The following EP300 variants were observed in gnomAD, a reference collection of about 807,000 sequenced individuals.
EP300 encodes the protein histone acetyltransferase p300.
Under a neutral mutation model 264.0 loss-of-function variants are expected in EP300, and 31 were observed. The ratio of observed to expected loss-of-function variants is 0.12; its 90% CI spans 0.09 to 0.16. The LOEUF (loss-of-function observed/expected upper bound fraction) is 0.16, where lower values mean the gene tolerates loss of function less well. Ranked by LOEUF, EP300 falls within the 10% of genes least tolerant of loss-of-function variation. The probability of loss-of-function intolerance (pLI) is 1.00; values close to 1 mark genes in which losing one functional copy is unlikely to be tolerated. For missense variants in EP300, 2,766 were observed against 3,052.9 expected, an observed-to-expected ratio of 0.91 and a Z score of 2.21; for synonymous variants, 1,340 against 1,045.4, an observed-to-expected ratio of 1.28 and a Z score of -5.44.
At chr22:41,119,458 C>G (rs1469711249) in intron 2 of EP300, among the ~76,000 whole-genome samples, 1 of 151,936 alleles carries the variant, frequency 6.6e-6, no homozygotes, top group African/African-American at 2.4e-5. Context: ...TCCTTGCCAC[C>G]GATGTTTATA....
At chr22:41,136,051 C>G in intron 7 of EP300, 145 bp downstream of exon 7, 1 of 722,164 alleles carries the variant, frequency 1.4e-6, no homozygotes, top group Non-Finnish European at 2.5e-6. Context: ...TTTCTTTTTT[C>G]GCTCTGTAGC....
At chr22:41,165,370 C>T (rs1419677258) in intron 22 of EP300, among the ~76,000 whole-genome samples, 1 of 152,214 alleles carries the variant, frequency 6.6e-6, no homozygotes, top group African/African-American at 2.4e-5. Context: ...TCTCTTCCCA[C>T]CCAGATTCCT....
rs201882119 is a variant in EP300, at chr22:41,178,951, C to T, written c.7240C>T (p.His2414Tyr). Reference sequence around the variant, plus strand: ...CCTCTCACAGAGTACACTAGACATACACTAGAGACACCTTGTAGTATTTTG... The same window carrying T: ...CCTCTCACAGAGTACACTAGACATATACTAGAGACACCTTGTAGTATTTTG... Reference protein sequence around the residue: ...SNLSQSTLDIH With the variant: ...SNLSQSTLDIY Residue 2414 changes from histidine (H) to tyrosine (Y), a missense_variant, in exon 31 of 31, where the codon CAC (histidine) becomes TAC (tyrosine). Transcript: ENST00000263253. 6.2e-7 allele frequency: 1 copy of T among 1,610,164 alleles called. No individual in the cohort carries two copies. Among genetic ancestry groups the T allele is most frequent in the Non-Finnish European group, 8.5e-7 (1 of 1,178,726 alleles).
intron 6 of EP300, among the ~76,000 whole-genome samples, chr22:41,134,988 A>G (rs1601609601): frequency 6.6e-6 from 1 of 151,244 alleles, no homozygotes; most frequent in African/African-American, 2.4e-5. Context: ...GCTCACTGCA[A>G]CCTCCGCCTC....
At chr22:41,168,979 C>T in intron 25 of EP300, 112 bp downstream of exon 25, 2 of 1,454,822 alleles carry the variant, frequency 1.4e-6, no homozygotes, top group Non-Finnish European at 1.9e-6. Context: ...TTTGGAAATG[C>T]AAAATCTCAA....
At position 41,173,742 on chromosome 22, in the gene EP300, C is replaced by T. The variant is rs764512316; in HGVS notation, c.4737C>T (p.Asp1579=). The T allele has an allele frequency of 1.9e-6, 3 of 1,614,050 alleles. No individual in the cohort carries two copies. Among genetic ancestry groups the T allele is most frequent in the East Asian group, 2.2e-5 (1 of 44,900 alleles). Residue 1579 remains aspartate (D), a synonymous_variant, in exon 29 of 31, where the codon GAC becomes GAT. Transcript: ENST00000263253. ...CCGGGATGCCCAATGTATCTAACGA[C>T]CTCTCACAGAAACTATATGCCACCA... The part of the protein sequence containing the change: ...KKPGMPNVSN[D]LSQKLYATME...
chr22:41,167,580 G>GTATATATA (rs2059143120), intron 23 of EP300, among the ~76,000 whole-genome samples: 3 of 30,166 alleles, frequency 9.9e-5, no homozygotes, highest in African/African-American at 3.5e-4. Context: ...GTGTGTGTGT[G>GTATATATA]TGTGTATATA....
rs935690370 is a variant in EP300, at chr22:41,127,803, A to G, written c.1168+55A>G. ...AGCAATTTTTACAGCCAGGGAGAAG[A>G]AGGAAAATGTGATCAAGTCTATTTT... On this transcript the variant is annotated intron_variant, in intron 4 of 30. Transcript: ENST00000263253. 147 of 1,606,434 alleles carry G rather than the reference A, an allele frequency of 9.2e-5. No individual in the cohort carries two copies. In the African/African-American group the frequency reaches 1.7e-3, roughly 19 times the overall value.
At chr22:41,140,807 GTGCTGAGCTGTTACCAGC>G (rs921685760) in intron 9 of EP300, among the ~76,000 whole-genome samples, 9 of 152,252 alleles carry the variant, frequency 5.9e-5, no homozygotes, top group Admixed American at 5.9e-4. Flanking sequence ...GAGTGGGGTG[GTGCTGAGCTGTTACCAGC>G]TGTGTTCTCT....
At chr22:41,101,009 A>G (rs573185873) in intron 1 of EP300, among the ~76,000 whole-genome samples, 1 of 152,198 alleles carries the variant, frequency 6.6e-6, no homozygotes, top group African/African-American at 2.4e-5. Context: ...TAATGAGAAA[A>G]TGGAAAACAT....
chr22:41,178,034 A>C lies in EP300; in HGVS notation c.6323A>C (p.Gln2108Pro), dbSNP rs760736215. The change falls in exon 31 of 31, where the codon CAG (glutamine) becomes CCG (proline). Residue 2108 changes from glutamine to proline, a missense_variant. Physicochemically the swap from Gln to Pro is moderately conservative, Grantham distance 76 (BLOSUM62 -1). Transcript: ENST00000263253. ...QPIPGQPGMP[Q>P]GQPGLQPPTM... ...ATCCCTGGGCAGCCTGGCATGCCCC[A>C]GGGGCAGCCAGGGCTACAGCCACCT... The C allele has an allele frequency of 9.9e-6, 16 of 1,613,894 alleles. No homozygotes were observed. The highest frequency in any genetic ancestry group is 1.7e-5 in the Admixed American group (1 of 59,990).
At chr22:41,170,169 G>T (rs1251291160) in intron 26 of EP300, among the ~76,000 whole-genome samples, 1 of 152,146 alleles carries the variant, frequency 6.6e-6, no homozygotes, top group Non-Finnish European at 1.5e-5. Flanking sequence ...GCTGAGATTC[G>T]CAACATCCCA....
chr22:41,120,258 G>T (rs190472819), intron 2 of EP300, among the ~76,000 whole-genome samples: 1 of 152,084 alleles, frequency 6.6e-6, no homozygotes, highest in South Asian at 2.1e-4. Context: ...TGGATGCAGC[G>T]GTTCACACCT....
At chr22:41,125,526 A>T (rs1474198914) in intron 2 of EP300, among the ~76,000 whole-genome samples, 1 of 151,830 alleles carries the variant, frequency 6.6e-6, no homozygotes, top group African/African-American at 2.4e-5. Flanking sequence ...TTGGCCTCGC[A>T]AAGTGGTGGG....
At position 41,177,254 on chromosome 22, in the gene EP300, C is replaced by A. The variant is rs972384890; in HGVS notation, c.5543C>A (p.Pro1848His). 2 of 1,613,996 alleles carry A rather than the reference C, an allele frequency of 1.2e-6. No homozygotes were observed. Residue 1848 changes from proline to histidine, a missense_variant, in exon 31 of 31, where the codon CCT becomes CAT. By Grantham distance (77) the Pro-to-His change is moderately conservative. Transcript: ENST00000263253. ...GTGGTTGGGCAGCAACAGGGCCTCC[C>A]TTCCCCCACTCCTGCCACTCCAACG... ...TGVVGQQQGLPSPTPATPTTP... is the reference protein window; with the variant it reads ...TGVVGQQQGLHSPTPATPTTP...
chr22:41,093,816 C>G (rs2058687790), intron 1 of EP300, among the ~76,000 whole-genome samples: 1 of 152,180 alleles, frequency 6.6e-6, no homozygotes, highest in South Asian at 2.1e-4. Context: ...TTTGCAGTCA[C>G]TTTCTCATTT....
At chr22:41,148,438 CAG>C (rs2059024902) in intron 12 of EP300, among the ~76,000 whole-genome samples, 1 of 152,158 alleles carries the variant, frequency 6.6e-6, no homozygotes, top group African/African-American at 2.4e-5. Flanking sequence ...CCATTTTCAA[CAG>C]GGAGTTCTGT....
chr22:41,156,249 A>G (rs1320795055), intron 17 of EP300, among the ~76,000 whole-genome samples: 1 of 152,028 alleles, frequency 6.6e-6, no homozygotes, highest in Non-Finnish European at 1.5e-5. Flanking sequence ...CCAACCTCAG[A>G]TGATCCACCC....
chr22:41,157,707 A>C (rs1481054681), intron 18 of EP300, among the ~76,000 whole-genome samples: 1 of 151,390 alleles, frequency 6.6e-6, no homozygotes, highest in Admixed American at 6.6e-5. Context: ...GTTTTGTAGA[A>C]ACAGGGTCTC....
Sources: allele counts gnomAD v4.1 joint callset (sites outside exome capture counted in the v4.1 genomes callset), GRCh38; gene constraint gnomAD v4.1.1; transcripts MANE v1.5; gene names NCBI Gene and HGNC (gene_info 2026-07-23, HGNC 2026-07-21).